Variants in PCDHA4 observed in about 807,000 individuals in gnomAD.
PCDHA4 encodes the protein protocadherin alpha-4.
In PCDHA4, 49 loss-of-function variants were observed where a neutral mutation model predicts 61.4. The observed-to-expected ratio is 0.80, with a 90% CI of 0.63 to 1.01. The LOEUF (loss-of-function observed/expected upper bound fraction) is 1.01. Ranked by LOEUF, PCDHA4 falls within the 50% of genes least tolerant of loss-of-function variation. The probability of loss-of-function intolerance (pLI) is 0.00; values close to 1 mark genes in which losing one functional copy is unlikely to be tolerated. For missense variants in PCDHA4, 1,254 were observed against 1,235.8 expected (o/e 1.01, Z -0.22); for synonymous variants, 590 against 550.3 (o/e 1.07, Z -1.01).
At chr5:140,870,618 C>A in intron 1 of PCDHA4, 1 of 1,613,174 alleles carries the variant, frequency 6.2e-7, no homozygotes, top group Non-Finnish European at 8.5e-7. Context: ...CGCTGTCGAG[C>A]TACGTGTCGG....
At chr5:140,899,443 G>A (rs1554188558) in intron 1 of PCDHA4, among the ~76,000 whole-genome samples, 4 of 152,210 alleles carry the variant, frequency 2.6e-5, no homozygotes, top group African/African-American at 9.7e-5. Context: ...CATCTATTGA[G>A]ATAATCATGT....
intron 1 of PCDHA4, chr5:140,877,068 G>T: frequency 6.2e-7 from 1 of 1,613,122 alleles, no homozygotes; most frequent in African/African-American, 1.3e-5. Context: ...AGCTGCTGCA[G>T]TTCCAGGTGA....
At position 140,869,859 on chromosome 5, in the gene PCDHA4, G is replaced by A. The variant is rs1368092611; in HGVS notation, c.2385+60287G>A. 4 of 1,610,412 alleles carry A rather than the reference G, an allele frequency of 2.5e-6. No homozygotes were observed. In the East Asian group the frequency reaches 8.9e-5, roughly 36 times the overall value. The stretch of plus-strand genomic sequence containing the variant: ...AATCAGAATATAAGGTGAGCCTTAT[G>A]GAAAATGCTGCTAAAGAAACTCTTG... On this transcript the variant is annotated intron_variant, in intron 1 of 3. Coordinates refer to ENST00000530339, the MANE Select transcript of PCDHA4 (RefSeq NM_018907.4).
intron 1 of PCDHA4, among the ~76,000 whole-genome samples, chr5:140,887,278 A>G (rs782205714): frequency 5.9e-5 from 9 of 151,950 alleles, no homozygotes; most frequent in Non-Finnish European, 8.8e-5. Flanking sequence ...TTGTATTTTT[A>G]GTAGAGATGG....
intron 1 of PCDHA4, among the ~76,000 whole-genome samples, chr5:140,941,562 G>A (rs1032844993): frequency 1.3e-5 from 2 of 151,596 alleles, no homozygotes; most frequent in African/African-American, 2.4e-5. Flanking sequence ...TGATCCATTC[G>A]CCTCAGCCTC....
chr5:140,863,256 C>T (rs761621534), intron 1 of PCDHA4: 6 of 1,442,182 alleles, frequency 4.2e-6, no homozygotes, highest in Non-Finnish European at 4.7e-6. Flanking sequence ...GCGTCGAGGT[C>T]CGGGAGGCAG....
chr5:140,836,581 G>A (rs1774589898), intron 1 of PCDHA4: 2 of 1,613,662 alleles, frequency 1.2e-6, no homozygotes, highest in African/African-American at 2.7e-5. Flanking sequence ...GGCGCATGTA[G>A]TTTGGTAAAG....
rs1364118007 is a variant in PCDHA4 at position 140,899,089 on chromosome 5, G to T, written c.2386-79860G>T. Among the ~76,000 whole-genome samples the T allele has an allele frequency of 5.3e-5, 8 of 152,134 alleles. No individual in the cohort carries two copies. The East Asian group carries it at 1.5e-3, about 29-fold the overall frequency. On this transcript the variant is annotated intron_variant, in intron 1 of 3. Coordinates refer to ENST00000530339, the MANE Select transcript of PCDHA4 (RefSeq NM_018907.4). ...TGCTTATCAGCTTAAGGAGATTTTG[G>T]GCTGAGATAATGGGGTTTTCTAGAT...
chr5:140,877,409 G>C lies in PCDHA4; in HGVS notation c.2385+67837G>C, dbSNP rs782157769. The C allele has an allele frequency of 8.1e-6, 13 of 1,613,802 alleles. No homozygotes were observed. The highest frequency in any genetic ancestry group is 1.0e-5 in the Non-Finnish European group (12 of 1,179,880). Reference sequence around the variant, plus strand: ...GATGAGGCGGACGCTCCGCGCCACCGCCTGCTGGTGCTGGTGAAGGACCAC... The same window carrying C: ...GATGAGGCGGACGCTCCGCGCCACCCCCTGCTGGTGCTGGTGAAGGACCAC... On this transcript the variant is annotated intron_variant, in intron 1 of 3. Transcript: ENST00000530339.
intron 1 of PCDHA4, chr5:140,836,269 G>T: frequency 1.2e-6 from 2 of 1,613,790 alleles, no homozygotes; most frequent in Non-Finnish European, 1.7e-6. Flanking sequence ...CTGTACACTG[G>T]TGAGATCAGC....
At chr5:140,918,667 G>A (rs2078804677) in intron 1 of PCDHA4, among the ~76,000 whole-genome samples, 1 of 152,172 alleles carries the variant, frequency 6.6e-6, no homozygotes, top group African/African-American at 2.4e-5. Flanking sequence ...TTGATGGTAT[G>A]AAGAGGTGAG....
intron 1 of PCDHA4, chr5:140,828,273 C>A (rs2150153408): frequency 2.5e-6 from 4 of 1,614,046 alleles, no homozygotes; most frequent in South Asian, 1.1e-5. Flanking sequence ...GAGCTGGTGC[C>A]GCGCCTGTTC....
rs2150253454 is a variant in PCDHA4 at position 140,836,128 on chromosome 5, C to G, written c.2385+26556C>G. ...GGTGGCGCAGTGAGAGAGCTTGTGC[C>G]GCGGTCTGTGGGCGCGGGCCATGTG... On this transcript the variant is annotated intron_variant, in intron 1 of 3. Transcript: ENST00000530339. 13 of 1,613,624 alleles carry G rather than the reference C, an allele frequency of 8.1e-6. 2 individuals are homozygous for G. Among genetic ancestry groups the G allele is most frequent in the African/African-American group, 4.0e-5 (3 of 74,864 alleles).
rs571779587 is a variant in PCDHA4 at position 140,961,550 on chromosome 5, C to CT, written c.2386-17392dup. 1.8e-3 allele frequency among the ~76,000 whole-genome samples: 273 copies of CT among 152,148 alleles called. 1 individual carries two copies. Among genetic ancestry groups the CT allele is most frequent in the Middle Eastern group, 3.4e-3 (1 of 294 alleles). ...TAGATAGACTGTTCCTGCAGCATTT[C>CT]TTTTTTTAAATTTTGTTTTGATAAG... On this transcript the variant is annotated intron_variant, in intron 1 of 3. Transcript: ENST00000530339.
intron 1 of PCDHA4, among the ~76,000 whole-genome samples, chr5:140,938,974 G>T (rs534312375): frequency 6.6e-6 from 1 of 152,230 alleles, no homozygotes; most frequent in Non-Finnish European, 1.5e-5. Context: ...TGGCATCAAG[G>T]CTATCCTGGC....
At position 140,822,662 on chromosome 5, in the gene PCDHA4, C is replaced by T. The variant is rs2150118346; in HGVS notation, c.2385+13090C>T. 4.4e-6 allele frequency: 7 copies of T among 1,608,370 alleles called. No individual in the cohort carries two copies. In the African/African-American group the frequency reaches 5.4e-5, roughly 12 times the overall value. On this transcript the variant is annotated intron_variant, in intron 1 of 3. Transcript: ENST00000530339. The stretch of plus-strand genomic sequence containing the variant: ...GTAAAGTCCAAATTTATAATTAATT[C>T]TAATACTGGTGAAATAAAAGTTAAC...
chr5:140,835,647 G>A, intron 1 of PCDHA4: 1 of 1,613,958 alleles, frequency 6.2e-7, no homozygotes, highest in Non-Finnish European at 8.5e-7. Context: ...GTCCGCCTAT[G>A]AGCTGGTGGT....
chr5:140,883,159 G>T (rs782151764), intron 1 of PCDHA4: 3 of 1,613,846 alleles, frequency 1.9e-6, no homozygotes, highest in South Asian at 1.1e-5. Flanking sequence ...CCATAAATCC[G>T]AACAATGGAG....
rs1554140265 is a variant in PCDHA4 at position 140,843,611 on chromosome 5, C to T, written c.2385+34039C>T. ...GCAGAGGGTGTGCTCTGGTGAGGGG[C>T]CACCGAAGACGGACCTCATGGCCTT... On this transcript the variant is annotated intron_variant, in intron 1 of 3. Coordinates refer to ENST00000530339, the MANE Select transcript of PCDHA4 (RefSeq NM_018907.4). 7 of 1,595,892 alleles carry T rather than the reference C, an allele frequency of 4.4e-6. 1 individual carries two copies. Among genetic ancestry groups the T allele is most frequent in the Non-Finnish European group, 6.0e-6 (7 of 1,165,418 alleles).
Sources: gnomAD v4.1 joint callset for allele counts (sites outside exome capture counted in the v4.1 genomes callset) on GRCh38, gnomAD v4.1.1 for gene constraint, MANE v1.5 for transcripts, NCBI Gene and HGNC (gene_info 2026-07-23, HGNC 2026-07-21) for gene names.